The following ARHGEF12 variants were observed in gnomAD, a reference collection of about 807,000 sequenced individuals.
The protein encoded by ARHGEF12 is Rho guanine nucleotide exchange factor 12.
A neutral mutation model predicts 211.2 loss-of-function variants in ARHGEF12; 66 were observed. The observed-to-expected ratio is 0.31, with a 90% CI of 0.26 to 0.38. The LOEUF (loss-of-function observed/expected upper bound fraction) is 0.38, where lower values mean the gene tolerates loss of function less well. Among genes scored for constraint, ARHGEF12 ranks in the 10% least tolerant of loss-of-function variants. ARHGEF12 has a pLI of 1.00. For synonymous variants in ARHGEF12, 592 were observed against 638.4 expected, an observed-to-expected ratio of 0.93 and a Z score of 1.09; for missense variants, 1,429 against 1,869.5, an observed-to-expected ratio of 0.76 and a Z score of 4.34.
At chr11:120,449,061 G>C (rs1423672641) in intron 20 of ARHGEF12, 48 bp from the exon 21 acceptor site, 1 of 1,534,008 alleles carries the variant, frequency 6.5e-7, no homozygotes, top group Non-Finnish European at 8.9e-7. Context: ...AATCGCAAAA[G>C]AAATTTACTC....
intron 1 of ARHGEF12, among the ~76,000 whole-genome samples, chr11:120,392,899 A>G (rs958516983): frequency 2.0e-5 from 3 of 152,292 alleles, no homozygotes; most frequent in Admixed American, 6.5e-5. Flanking sequence ...CAAGAATGGA[A>G]TTACTGTTAG....
At chr11:120,430,972 AC>A (rs888384200) in intron 10 of ARHGEF12, among the ~76,000 whole-genome samples, 38 of 151,990 alleles carry the variant, frequency 2.5e-4, no homozygotes, top group African/African-American at 8.9e-4. Context: ...TAATATTCTT[AC>A]CCTGTTTGGA....
chr11:120,400,558 A>G (rs1490406503), intron 1 of ARHGEF12, among the ~76,000 whole-genome samples: 3 of 152,350 alleles, frequency 2.0e-5, no homozygotes, highest in Non-Finnish European at 2.9e-5. Context: ...CATGATCACA[A>G]ATGAAAGTGG....
chr11:120,413,999 AT>A (rs940123505), intron 4 of ARHGEF12, among the ~76,000 whole-genome samples: 3 of 150,540 alleles, frequency 2.0e-5, no homozygotes, highest in Admixed American at 6.7e-5. Context: ...ATGACACTTC[AT>A]TTTTTTTTCA....
At chr11:120,380,399 G>A (rs1050760038) in intron 1 of ARHGEF12, among the ~76,000 whole-genome samples, 1 of 152,060 alleles carries the variant, frequency 6.6e-6, no homozygotes, top group African/African-American at 2.4e-5. Context: ...TCTGTTCTAG[G>A]ATCAAATTTA....
intron 15 of ARHGEF12, among the ~76,000 whole-genome samples, chr11:120,444,717 T>C (rs1945992977): frequency 6.6e-6 from 1 of 152,178 alleles, no homozygotes; most frequent in African/African-American, 2.4e-5. Flanking sequence ...AATAATAAAG[T>C]ATTCCCCTCC....
intron 1 of ARHGEF12, among the ~76,000 whole-genome samples, chr11:120,403,781 T>C (rs907311130): frequency 6.6e-6 from 1 of 152,248 alleles, no homozygotes; most frequent in Non-Finnish European, 1.5e-5. Flanking sequence ...ACAGCTGTTC[T>C]ACATAATATC....
intron 26 of ARHGEF12, 125 bp downstream of exon 26, chr11:120,459,445 A>C: frequency 9.9e-7 from 1 of 1,010,748 alleles, no homozygotes; most frequent in Non-Finnish European, 1.4e-6. Flanking sequence ...TGTAAGATAA[A>C]TAAAGGAATG....
chr11:120,412,753 T>C (rs530825545), intron 4 of ARHGEF12, among the ~76,000 whole-genome samples: 46 of 152,232 alleles, frequency 3.0e-4, no homozygotes, highest in South Asian at 2.1e-3. Context: ...TGGAAATCAG[T>C]CTTCCTCTTT....
In ARHGEF12 at chr11:120,453,459, CCTGTA is replaced by C; in HGVS notation, c.2056+1736_2056+1740del. ...AAGAAGCCAGGCATGGTGGCTTACT[CCTGTA>C]ATCCCAGAACTTTGGGAGGCTGAGG... On this transcript the variant is annotated intron_variant, in intron 22 of 40. Transcript: ENST00000397843. 3.3e-5 allele frequency among the ~76,000 whole-genome samples: 5 copies of C among 152,286 alleles called. No individual in the cohort carries two copies. In the East Asian group the frequency reaches 9.6e-4, roughly 29 times the overall value.
chr11:120,435,640 G>A (rs193038883), intron 11 of ARHGEF12, among the ~76,000 whole-genome samples: 48 of 149,268 alleles, frequency 3.2e-4, no homozygotes, highest in South Asian at 3.0e-3. Flanking sequence ...TCAGCCTTCC[G>A]AGTAGCTGGG....
In ARHGEF12 at chr11:120,428,222, G is replaced by A. The variant is rs1476404752; in HGVS notation, c.560G>A (p.Arg187Lys). The change falls in exon 8 of 41, where the codon AGA (arginine) becomes AAA (lysine). Residue 187 changes from arginine to lysine, a missense_variant. Arg to Lys is a conservative substitution (Grantham distance 26). Coordinates refer to ENST00000397843, the MANE Select transcript of ARHGEF12 (RefSeq NM_015313.3). ...HSPGASGNME[R>K]ITSPVLMGEE... ...CCTGGAGCATCTGGGAATATGGAGAGAATCACTAGTCCTGTGCTCATGGGG... is the reference window on the plus strand; with the variant it reads ...CCTGGAGCATCTGGGAATATGGAGAAAATCACTAGTCCTGTGCTCATGGGG... The A allele has an allele frequency of 6.2e-7, 1 of 1,609,968 alleles. No homozygotes were observed.
At chr11:120,482,510 G>A (rs1947276780) in intron 39 of ARHGEF12, among the ~76,000 whole-genome samples, 2 of 152,052 alleles carry the variant, frequency 1.3e-5, no homozygotes, top group South Asian at 4.1e-4. Flanking sequence ...ACTTTGGGAG[G>A]CAAGGCAGGC....
intron 27 of ARHGEF12, chr11:120,463,175 T>C (rs1946586517): frequency 6.6e-6 from 1 of 152,238 alleles, no homozygotes; most frequent in South Asian, 2.1e-4. Flanking sequence ...TTGATGGTTT[T>C]ATTAGGATAT....
At chr11:120,384,621 C>A (rs754341678) in intron 1 of ARHGEF12, among the ~76,000 whole-genome samples, 4 of 152,134 alleles carry the variant, frequency 2.6e-5, no homozygotes, top group Non-Finnish European at 5.9e-5. Flanking sequence ...TGTAAGAGGC[C>A]AGGCTGCTAG....
At chr11:120,431,491 C>A (rs1280475446) in intron 10 of ARHGEF12, among the ~76,000 whole-genome samples, 8 of 151,950 alleles carry the variant, frequency 5.3e-5, no homozygotes, top group African/African-American at 1.9e-4. Context: ...AATTAACAAA[C>A]CATTTTATCT....
intron 1 of ARHGEF12, among the ~76,000 whole-genome samples, chr11:120,366,899 C>T (rs569420730): frequency 1.3e-5 from 2 of 152,232 alleles, no homozygotes; most frequent in Non-Finnish European, 2.9e-5. Flanking sequence ...GCCTGCAATC[C>T]CAGCTACTTG....
intron 22 of ARHGEF12, among the ~76,000 whole-genome samples, chr11:120,454,105 C>A (rs770307746): frequency 2.0e-5 from 3 of 152,168 alleles, no homozygotes; most frequent in Non-Finnish European, 4.4e-5. Flanking sequence ...AAGCCTGACA[C>A]TAGGCATGCC....
chr11:120,402,676 A>C (rs920655489), intron 1 of ARHGEF12, among the ~76,000 whole-genome samples: 14 of 152,190 alleles, frequency 9.2e-5, no homozygotes, highest in African/African-American at 3.4e-4. Flanking sequence ...ACCCTAGAGG[A>C]GAGAGAAAAG....
Sources: allele counts gnomAD v4.1 joint callset (sites outside exome capture counted in the v4.1 genomes callset), GRCh38; gene constraint gnomAD v4.1.1; transcripts MANE v1.5; gene names NCBI Gene and HGNC (gene_info 2026-07-23, HGNC 2026-07-21).